The following NEK10 variants were observed in gnomAD, a reference collection of about 807,000 sequenced individuals.
The protein encoded by NEK10 is NIMA related kinase 10.
A neutral mutation model predicts 159.8 loss-of-function variants in NEK10; 122 were observed. That is an observed-to-expected ratio of 0.76 (90% CI 0.66 to 0.89). The LOEUF (loss-of-function observed/expected upper bound fraction) is 0.89. NEK10 is among the 40% of genes least tolerant of loss of function. NEK10 has a pLI of 0.00. For missense variants in NEK10, 1,342 were observed against 1,323.1 expected, an observed-to-expected ratio of 1.01 and a Z score of -0.22; for synonymous variants, 466 against 457.1, an observed-to-expected ratio of 1.02 and a Z score of -0.25.
In NEK10 at chr3:27,290,745, G is replaced by T; in HGVS notation, c.1615C>A (p.His539Asn). The stretch of plus-strand genomic sequence containing the variant: ...ATTGCTAAAAGATTTTGACCACTAT[G>T]CTTTCTAACCTAAAATAAAGAAAAA... ...AFGCVYKVRKHSGQNLLAMKE... is the reference protein window; with the variant it reads ...AFGCVYKVRKNSGQNLLAMKE... The change falls in exon 19 of 36, where the codon CAT becomes AAT. Residue 539 changes from histidine to asparagine, a missense_variant. His to Asn is a moderately conservative substitution (Grantham distance 68). Coordinates refer to ENST00000691995, the MANE Select transcript of NEK10 (RefSeq NM_001394966.1). 1 of 1,601,678 alleles carries T rather than the reference G, an allele frequency of 6.2e-7. No individual in the cohort carries two copies. Among genetic ancestry groups the T allele is most frequent in the Non-Finnish European group, 8.5e-7 (1 of 1,174,098 alleles).
intron 3 of NEK10, among the ~76,000 whole-genome samples, chr3:27,351,313 T>C (rs902011010): frequency 1.3e-5 from 2 of 152,140 alleles, no homozygotes; most frequent in Non-Finnish European, 2.9e-5. Flanking sequence ...AGCCATCTTG[T>C]TTGCCTCTTT....
intron 29 of NEK10, among the ~76,000 whole-genome samples, chr3:27,170,002 C>A (rs1030489609): frequency 1.3e-5 from 2 of 152,198 alleles, no homozygotes; most frequent in African/African-American, 4.8e-5. Flanking sequence ...CCAAAAATGT[C>A]TCCTTTATAG....
At chr3:27,141,968 GC>G (rs1324944032) in intron 30 of NEK10, among the ~76,000 whole-genome samples, 1 of 151,984 alleles carries the variant, frequency 6.6e-6, no homozygotes, top group Non-Finnish European at 1.5e-5. Context: ...AATTCATTAT[GC>G]CTTCCATAAC....
intron 23 of NEK10, among the ~76,000 whole-genome samples, chr3:27,205,609 A>C (rs1950477763): frequency 7.2e-6 from 1 of 139,600 alleles, no homozygotes. Flanking sequence ...CAATGTGGAA[A>C]GGATTCCCTA....
At chr3:27,206,579 C>A in intron 23 of NEK10, 1 of 984,714 alleles carries the variant, frequency 1.0e-6, no homozygotes, top group Non-Finnish European at 1.2e-6. Flanking sequence ...TTACTCTCTC[C>A]TTGGATAATT....
chr3:27,155,171 C>A (rs940831131), intron 30 of NEK10, among the ~76,000 whole-genome samples: 1 of 152,118 alleles, frequency 6.6e-6, no homozygotes, highest in Non-Finnish European at 1.5e-5. Flanking sequence ...AGTGGAGAAT[C>A]CAATCAAGAA....
intron 20 of NEK10, among the ~76,000 whole-genome samples, chr3:27,286,876 G>T (rs1222235539): frequency 2.0e-5 from 3 of 151,992 alleles, no homozygotes; most frequent in Non-Finnish European, 4.4e-5. Context: ...AGGATTTACT[G>T]CATGAGTTTT....
chr3:27,257,032 C>G (rs951307262), intron 22 of NEK10, among the ~76,000 whole-genome samples: 1 of 151,494 alleles, frequency 6.6e-6, no homozygotes, highest in African/African-American at 2.4e-5. Context: ...TCTCGTGCCT[C>G]AGCCTCCCAA....
chr3:27,279,043 A>C (rs1320679851), intron 22 of NEK10: 5 of 468,886 alleles, frequency 1.1e-5, no homozygotes, highest in African/African-American at 1.1e-4. Flanking sequence ...AGACTTAAAA[A>C]TATATAGCAT....
At chr3:27,317,266 A>G (rs1228192348) in intron 6 of NEK10, among the ~76,000 whole-genome samples, 1 of 152,224 alleles carries the variant, frequency 6.6e-6, no homozygotes, top group African/African-American at 2.4e-5. Flanking sequence ...AAAGAAAACC[A>G]TGACTACAAG....
intron 1 of NEK10, among the ~76,000 whole-genome samples, chr3:27,363,996 T>A (rs1267409506): frequency 6.6e-6 from 1 of 152,006 alleles, no homozygotes; most frequent in Non-Finnish European, 1.5e-5. Flanking sequence ...AAGGTGGCAG[T>A]CGGGACTAAA....
chr3:27,260,330 C>T (rs1375807892), intron 22 of NEK10, among the ~76,000 whole-genome samples: 1 of 152,090 alleles, frequency 6.6e-6, no homozygotes, highest in Non-Finnish European at 1.5e-5. Context: ...AGTTTTTGCC[C>T]ATTCAGTATG....
intron 32 of NEK10, among the ~76,000 whole-genome samples, chr3:27,130,093 C>G (rs138022883): frequency 1.3e-5 from 2 of 152,252 alleles, no homozygotes; most frequent in East Asian, 3.9e-4. Context: ...AACCACACTT[C>G]TGTTGATCAT....
At chr3:27,351,347 C>T (rs2047956137) in intron 3 of NEK10, among the ~76,000 whole-genome samples, 1 of 152,076 alleles carries the variant, frequency 6.6e-6, no homozygotes, top group Admixed American at 6.6e-5. Flanking sequence ...CTTAATTTTG[C>T]AAGTCATTTA....
rs370892804 is a variant in NEK10 at position 27,259,691 on chromosome 3, T to C, written c.2015-3320A>G. Among the ~76,000 whole-genome samples the C allele has an allele frequency of 6.6e-5, 10 of 152,348 alleles. No homozygotes were observed. In the South Asian group the frequency reaches 1.2e-3, roughly 19 times the overall value. Reference sequence around the variant, plus strand: ...TTGTTCTTTTGGCTTAGGATTGACTTAGCAATGTGGGCTCTTTTTTGGTTC... The same window carrying C: ...TTGTTCTTTTGGCTTAGGATTGACTCAGCAATGTGGGCTCTTTTTTGGTTC... On this transcript the variant is annotated intron_variant, in intron 22 of 35. Transcript: ENST00000691995.
chr3:27,336,832 T>C (rs1314573677), intron 5 of NEK10, among the ~76,000 whole-genome samples: 2 of 152,096 alleles, frequency 1.3e-5, no homozygotes, highest in African/African-American at 4.8e-5. Context: ...AAACTACGCA[T>C]AGAAGGAACA....
At chr3:27,262,508 T>A (rs954024759) in intron 22 of NEK10, among the ~76,000 whole-genome samples, 1 of 152,230 alleles carries the variant, frequency 6.6e-6, no homozygotes, top group African/African-American at 2.4e-5. Context: ...TAGTCCCATA[T>A]TTCTTGGAGG....
At chr3:27,256,272 G>C in intron 23 of NEK10, 24 bp downstream of exon 23, 2 of 1,151,020 alleles carry the variant, frequency 1.7e-6, no homozygotes, top group Non-Finnish European at 2.4e-6. Context: ...TGATGTTTGA[G>C]AGCCATAAAA....
chr3:27,162,122 T>G, intron 30 of NEK10: 1 of 238,562 alleles, frequency 4.2e-6, no homozygotes, highest in Non-Finnish European at 8.2e-6. Flanking sequence ...ATCATGTAGG[T>G]GTAGAGTTTA....
Sources: allele counts gnomAD v4.1 joint callset (sites outside exome capture counted in the v4.1 genomes callset), GRCh38; gene constraint gnomAD v4.1.1; transcripts MANE v1.5; gene names NCBI Gene and HGNC (gene_info 2026-07-23, HGNC 2026-07-21).